The following NPNT variants were observed in gnomAD, a reference collection of about 807,000 sequenced individuals.
NPNT encodes preosteoblast EGF-like repeat protein with MAM domain.
In NPNT, 45 loss-of-function variants were observed where a neutral mutation model predicts 68.6. That is an observed-to-expected ratio of 0.66 (90% CI 0.52 to 0.84). The LOEUF is 0.84. Ranked by LOEUF, NPNT falls within the 40% of genes least tolerant of loss-of-function variation. The pLI, the probability that NPNT is intolerant of heterozygous loss-of-function variation, is 0.00. For synonymous variants in NPNT, 233 were observed against 253.3 expected, an observed-to-expected ratio of 0.92 and a Z score of 0.76; for missense variants, 672 against 714.8, an observed-to-expected ratio of 0.94 and a Z score of 0.68.
At chr4:105,962,530 T>C (rs1441217426) in intron 10 of NPNT, among the ~76,000 whole-genome samples, 1 of 152,078 alleles carries the variant, frequency 6.6e-6, no homozygotes, top group Non-Finnish European at 1.5e-5. Flanking sequence ...GGGTGACATA[T>C]GGCAAGATAC....
chr4:105,942,925 A>G (rs1730104193), intron 8 of NPNT, among the ~76,000 whole-genome samples: 1 of 152,252 alleles, frequency 6.6e-6, no homozygotes, highest in Non-Finnish European at 1.5e-5. Context: ...ACAAAGTCAT[A>G]TGGTAGATGA....
At chr4:105,949,292 T>C (rs900680180) in intron 8 of NPNT, among the ~76,000 whole-genome samples, 3 of 152,130 alleles carry the variant, frequency 2.0e-5, no homozygotes, top group African/African-American at 7.2e-5. Context: ...CATGGGATTA[T>C]TTGAATCTTG....
Position 105,971,319 on chromosome 4 carries a change from G to T in NPNT, c.*2329G>T, listed in dbSNP as rs184509503. ...GAACAGTAATATTTTTTGAACAATA[G>T]GTACAATAGAAGGTCTTCTGTCATT... On this transcript the variant is annotated 3_prime_UTR_variant, in exon 12 of 12. Coordinates refer to ENST00000379987, the MANE Select transcript of NPNT (RefSeq NM_001033047.3). The T allele has an allele frequency of 3.3e-4, 104 of 312,942 alleles. No homozygotes were observed. Among genetic ancestry groups the T allele is most frequent in the African/African-American group, 2.2e-3 (101 of 46,526 alleles). 19.4% of individuals were successfully genotyped at this position (312,942 alleles called of 1,614,324 possible).
chr4:105,958,599 T>G (rs750695568), intron 9 of NPNT, 42 bp downstream of exon 9: 6 of 1,107,596 alleles, frequency 5.4e-6, no homozygotes, highest in South Asian at 4.8e-5. Flanking sequence ...GACATTTTAT[T>G]GTTTCTCTCC....
intron 6 of NPNT, 129 bp from the exon 7 acceptor site, chr4:105,940,372 AGTTTATTTCTTCT>A: frequency 1.9e-6 from 2 of 1,026,694 alleles, no homozygotes; most frequent in Non-Finnish European, 2.9e-6. Context: ...GTCTACATGT[AGTTTATTTCTTCT>A]GTTTATCTGC....
intron 2 of NPNT, among the ~76,000 whole-genome samples, chr4:105,906,994 A>G (rs1726952698): frequency 6.6e-6 from 1 of 152,246 alleles, no homozygotes; most frequent in African/African-American, 2.4e-5. Flanking sequence ...CAGGAACAAC[A>G]GAATCCCTGA....
chr4:105,937,212 C>A, intron 4 of NPNT, 84 bp downstream of exon 4: 1 of 1,354,638 alleles, frequency 7.4e-7, no homozygotes, highest in South Asian at 1.3e-5. Flanking sequence ...TGAAAATGGC[C>A]TCCGGGGTTC....
At position 105,942,385 on chromosome 4, in the gene NPNT, C is replaced by T; in HGVS notation, c.842C>T (p.Thr281Ile). ...AATGGTACCATTTTAAAGGGTGACA[C>T]AGGAAATAATAATTGGATTCCTGAT... ...KGNGTILKGD[T>I]GNNNWIPDVG... is the part of the protein sequence containing the mutation. The change falls in exon 8 of 12, where the codon ACA becomes ATA. Residue 281 changes from threonine to isoleucine, a missense_variant. Coordinates refer to ENST00000379987, the MANE Select transcript of NPNT (RefSeq NM_001033047.3). 6.2e-7 allele frequency: 1 copy of T among 1,613,618 alleles called. No homozygotes were observed. Among genetic ancestry groups the T allele is most frequent in the Non-Finnish European group, 8.5e-7 (1 of 1,179,702 alleles).
intron 7 of NPNT, among the ~76,000 whole-genome samples, chr4:105,941,969 G>A (rs1226622225): frequency 6.6e-6 from 1 of 151,832 alleles, no homozygotes; most frequent in African/African-American, 2.4e-5. Flanking sequence ...AATTCTCATT[G>A]GTTGTTGTCT....
chr4:105,908,191 A>G (rs1727073212), intron 2 of NPNT, among the ~76,000 whole-genome samples: 1 of 151,916 alleles, frequency 6.6e-6, no homozygotes, highest in South Asian at 2.1e-4. Flanking sequence ...TTTCTGCCAT[A>G]CATTAGCTTT....
At chr4:105,926,054 CT>C (rs1728654189) in intron 2 of NPNT, among the ~76,000 whole-genome samples, 1 of 152,176 alleles carries the variant, frequency 6.6e-6, no homozygotes, top group Non-Finnish European at 1.5e-5. Flanking sequence ...CCCTGTGTAT[CT>C]CCCAACTAAA....
intron 2 of NPNT, among the ~76,000 whole-genome samples, chr4:105,901,241 A>T (rs1044075991): frequency 3.3e-5 from 5 of 152,230 alleles, no homozygotes; most frequent in Non-Finnish European, 7.3e-5. Context: ...AAAGCACTAG[A>T]TAATTTAGGA....
At chr4:105,898,925 A>G (rs1291838573) in intron 2 of NPNT, among the ~76,000 whole-genome samples, 1 of 152,116 alleles carries the variant, frequency 6.6e-6, no homozygotes, top group Admixed American at 6.5e-5. Context: ...GATGATGGGA[A>G]CTAAGTTGGG....
At chr4:105,960,761 C>CGTGTGT (rs35898642) in intron 10 of NPNT, among the ~76,000 whole-genome samples, 32 of 149,212 alleles carry the variant, frequency 2.1e-4, no homozygotes, top group African/African-American at 7.1e-4. Context: ...AACATATCTA[C>CGTGTGT]GTGTGTGTGT....
chr4:105,963,798 A>C (rs1324230627), intron 10 of NPNT, among the ~76,000 whole-genome samples: 1 of 151,290 alleles, frequency 6.6e-6, no homozygotes, highest in Admixed American at 6.6e-5. Flanking sequence ...CTATTTCAGC[A>C]TTAAAACATT....
rs916854800 is a variant in NPNT, at chr4:105,895,482, C to T, written c.-171C>T. On this transcript the variant is annotated 5_prime_UTR_variant, in exon 1 of 12. Coordinates refer to ENST00000379987, the MANE Select transcript of NPNT (RefSeq NM_001033047.3). ...GGGCTCCGGGCGCCGCGCAGCAGACCTGCTCCGGCCGCGCGCCTCGCCGCT... is the reference window on the plus strand; with the variant it reads ...GGGCTCCGGGCGCCGCGCAGCAGACTTGCTCCGGCCGCGCGCCTCGCCGCT... 9 of 588,836 alleles carry T rather than the reference C, an allele frequency of 1.5e-5. No individual in the cohort carries two copies. The highest frequency in any genetic ancestry group is 4.2e-5 in the South Asian group (2 of 47,192). The allele number at this position is 588,836 out of a possible 1,614,324, so 36.5% of individuals were successfully genotyped here.
At chr4:105,940,285 G>A (rs1184374494) in intron 6 of NPNT, 76 bp downstream of exon 6, 5 of 1,430,098 alleles carry the variant, frequency 3.5e-6, no homozygotes, top group Non-Finnish European at 4.9e-6. Context: ...GGTGATGGCT[G>A]GAATGTCAGG....
chr4:105,931,294 A>T (rs1370203907), intron 3 of NPNT, among the ~76,000 whole-genome samples: 3 of 152,216 alleles, frequency 2.0e-5, no homozygotes, highest in African/African-American at 7.2e-5. Flanking sequence ...AGTGTACTTT[A>T]TAATAATTTC....
intron 2 of NPNT, chr4:105,912,336 T>C: frequency 2.4e-6 from 2 of 841,346 alleles, no homozygotes; most frequent in South Asian, 1.7e-5. Flanking sequence ...AAAACATTAG[T>C]TGTGTTTTTG....
Sources: gnomAD v4.1 joint callset for allele counts (sites outside exome capture counted in the v4.1 genomes callset) on GRCh38, gnomAD v4.1.1 for gene constraint, MANE v1.5 for transcripts, NCBI Gene and HGNC (gene_info 2026-07-23, HGNC 2026-07-21) for gene names.